The following BAP1 variants were observed in gnomAD, a reference collection of about 807,000 sequenced individuals.
BAP1 encodes the protein ubiquitin carboxyl-terminal hydrolase BAP1.
Under a neutral mutation model 77.2 loss-of-function variants are expected in BAP1, and 16 were observed. The ratio of observed to expected loss-of-function variants is 0.21; its 90% CI spans 0.14 to 0.31. The LOEUF (loss-of-function observed/expected upper bound fraction) is 0.31. BAP1 is among the 10% of genes least tolerant of loss of function. The probability of loss-of-function intolerance (pLI) is 1.00; values close to 1 mark genes in which losing one functional copy is unlikely to be tolerated. For missense variants in BAP1, 699 were observed against 967.3 expected, an observed-to-expected ratio of 0.72 and a Z score of 3.68; for synonymous variants, 362 against 385.2, an observed-to-expected ratio of 0.94 and a Z score of 0.71.
In BAP1 at chr3:52,405,060, C is replaced by T. The variant is rs756419402; in HGVS notation, c.1116+50G>A. On this transcript the variant is annotated intron_variant, in intron 11 of 16. Coordinates refer to ENST00000460680, the MANE Select transcript of BAP1 (RefSeq NM_004656.4). ...CACATGGGAAAATTGCCTGTTGCAG[C>T]CTCTCAAGAGAATCAAGTAGAGAAT... The T allele has an allele frequency of 8.3e-5, 134 of 1,609,188 alleles. No individual in the cohort carries two copies. Among genetic ancestry groups the T allele is most frequent in the Admixed American group, 1.5e-4 (9 of 60,002 alleles).
rs377298140 is a variant in BAP1, at chr3:52,406,811, C to G, written c.659+18G>C. 1.2e-5 allele frequency: 18 copies of G among 1,553,022 alleles called. No homozygotes were observed. Among genetic ancestry groups the G allele is most frequent in the Middle Eastern group, 3.3e-4 (2 of 5,986 alleles). On this transcript the variant is annotated intron_variant, in intron 8 of 16. Transcript: ENST00000460680. This position sits in a 1 kb window ranked among gnomAD's most constrained non-coding sequence, Gnocchi z 4.6. Reference sequence around the variant, plus strand: ...TACAGCTCCAGAGAGTAGAACAGGGCAGGCACAGGGCCCTTACCCTGCAGT... The same window carrying G: ...TACAGCTCCAGAGAGTAGAACAGGGGAGGCACAGGGCCCTTACCCTGCAGT...
rs760711001 is a variant in BAP1 at position 52,403,456 on chromosome 3, G to T, written c.1689C>A (p.His563Gln). Reference sequence around the variant, plus strand: ...GACTCAGCACCCCATCCTCAGCCAGGTGCAGCAGGCCTGTGCTGATGACAG... The same window carrying T: ...GACTCAGCACCCCATCCTCAGCCAGTTGCAGCAGGCCTGTGCTGATGACAG... ...LGPVISTGLLHLAEDGVLSPL... is the reference protein window; with the variant it reads ...LGPVISTGLLQLAEDGVLSPL... Residue 563 changes from histidine to glutamine, a missense_variant, in exon 13 of 17, where the codon CAC (histidine) becomes CAA (glutamine). This residue lies in a region of BAP1 where 475 missense variants were observed against 532.4 expected (regional missense o/e 0.89). Transcript: ENST00000460680. The surrounding 1 kb of genome is among the most constrained non-coding windows in gnomAD (Gnocchi z 4.0). 1.2e-6 allele frequency: 2 copies of T among 1,613,938 alleles called. No homozygotes were observed.
chr3:52,403,816 G>C lies in BAP1; in HGVS notation c.1329C>G (p.Asn443Lys). The change falls in exon 13 of 17, where the codon AAC (asparagine) becomes AAG (lysine). Residue 443 changes from asparagine (N) to lysine (K), a missense_variant. Coordinates refer to ENST00000460680, the MANE Select transcript of BAP1 (RefSeq NM_004656.4). This position sits in a 1 kb window ranked among gnomAD's most constrained non-coding sequence, Gnocchi z 4.0. ...GCTTCTCAGCCAAGACGTTGATGGT[G>C]TTGGGCTGCAGCACTGACAGTTGCC... ...ADGQLSVLQP[N>K]TINVLAEKLK... 1 of 1,614,108 alleles carries C rather than the reference G, an allele frequency of 6.2e-7. No individual in the cohort carries two copies. The highest frequency in any genetic ancestry group is 8.5e-7 in the Non-Finnish European group (1 of 1,180,038).
rs1267740921 is a variant in BAP1 at position 52,402,453 on chromosome 3, C to T, written c.2057-32G>A. 12 of 1,574,014 alleles carry T rather than the reference C, an allele frequency of 7.6e-6. No individual in the cohort carries two copies. Among genetic ancestry groups the T allele is most frequent in the Non-Finnish European group, 1.0e-5 (12 of 1,160,490 alleles). On this transcript the variant is annotated intron_variant, in intron 16 of 16. Transcript: ENST00000460680. This position sits in a 1 kb window ranked among gnomAD's most constrained non-coding sequence, Gnocchi z 5.3. Reference sequence around the variant, plus strand: ...AGAGGTAGAGACCCTTGAGCAGGTGCTGGCTGCCTCAGGCCAGGAGCTGAG... The same window carrying T: ...AGAGGTAGAGACCCTTGAGCAGGTGTTGGCTGCCTCAGGCCAGGAGCTGAG...
At chr3:52,408,272 A>G (rs953097868) in intron 4 of BAP1, among the ~76,000 whole-genome samples, 195 bp from the exon 5 acceptor site, 1 of 152,230 alleles carries the variant, frequency 6.6e-6, no homozygotes, top group African/African-American at 2.4e-5. Context: ...CTGAGGACAC[A>G]GAGAGTGGAC....
rs2153228689 is a variant in BAP1 at position 52,409,862 on chromosome 3, A to G, written c.17T>C (p.Leu6Pro). Residue 6 changes from leucine to proline, a missense_variant, in exon 1 of 17, where the codon CTG (leucine) becomes CCG (proline). This residue lies in a region of BAP1 where 160 missense variants were observed against 322.8 expected (regional missense o/e 0.50). Coordinates refer to ENST00000460680, the MANE Select transcript of BAP1 (RefSeq NM_004656.4). ...CTCACCTGGGTCGCTCTCCAGCTCC[A>G]GCCAGCCCTTATTCATCTTCCCGCG... is the stretch of plus-strand genomic sequence containing the variant. MNKGW[L>P]ELESDPGLFT... 2 of 1,610,636 alleles carry G rather than the reference A, an allele frequency of 1.2e-6. No homozygotes were observed. The highest frequency in any genetic ancestry group is 1.7e-6 in the Non-Finnish European group (2 of 1,179,904).
At chr3:52,404,039 T>G in intron 12 of BAP1, 145 bp from the exon 13 acceptor site, 1 of 810,378 alleles carries the variant, frequency 1.2e-6, no homozygotes, top group Non-Finnish European at 2.0e-6. Flanking sequence ...GAACTAGCCA[T>G]GCTAAGCCTG....
chr3:52,406,380 C>T lies in BAP1; in HGVS notation c.660-4G>A, dbSNP rs1360711033. The stretch of plus-strand genomic sequence containing the variant: ...GCGGATGTCGTGGTAGGGCTCCCTG[C>T]AGTCACAGCCGCAGCCGTGAGAGCA... On this transcript the variant is annotated splice_polypyrimidine_tract_variant and splice_region_variant and intron_variant, in intron 8 of 16. Coordinates refer to ENST00000460680, the MANE Select transcript of BAP1 (RefSeq NM_004656.4). The surrounding 1 kb of genome is among the most constrained non-coding windows in gnomAD (Gnocchi z 4.6). 1 of 1,612,826 alleles carries T rather than the reference C, an allele frequency of 6.2e-7. No individual in the cohort carries two copies. Among genetic ancestry groups the T allele is most frequent in the Non-Finnish European group, 8.5e-7 (1 of 1,179,918 alleles).
intron 3 of BAP1, among the ~76,000 whole-genome samples, chr3:52,409,051 T>C (rs894732503): frequency 6.6e-6 from 1 of 152,194 alleles, no homozygotes; most frequent in Admixed American, 6.5e-5. Flanking sequence ...TTCCAGGAAA[T>C]TAAAGTAGAC....
rs182594226 is a variant in BAP1, at chr3:52,405,759, C to T, written c.931+6G>A. On this transcript the variant is annotated splice_donor_region_variant and intron_variant, in intron 10 of 16. Coordinates refer to ENST00000460680, the MANE Select transcript of BAP1 (RefSeq NM_004656.4). ...GGTCCACAAGAGGTCCCAAACCCCC[C>T]AGTACCTGTGTGGTTGCCCTCAGAG... 1.2e-6 allele frequency: 2 copies of T among 1,612,890 alleles called. No individual in the cohort carries two copies. The highest frequency in any genetic ancestry group is 2.2e-5 in the East Asian group (1 of 44,890).
In BAP1 at chr3:52,408,543, G is replaced by A. The variant is rs199608453; in HGVS notation, c.186C>T (p.Val62=). 29 of 1,612,016 alleles carry A rather than the reference G, an allele frequency of 1.8e-5. No individual in the cohort carries two copies. The Admixed American group carries it at 3.9e-4, about 21-fold the overall frequency. ...WIEERRSRRK[V]STLVDDTSVI... is the part of the protein sequence containing the mutation. ...CGGACGTATCATCCACCAAGGTAGA[G>A]ACCTTTCGCCGGGACCGGCGCTCTT... is the stretch of plus-strand genomic sequence containing the variant. Residue 62 remains valine, a synonymous_variant, in exon 4 of 17, where the codon GTC becomes GTT. Coordinates refer to ENST00000460680, the MANE Select transcript of BAP1 (RefSeq NM_004656.4).
Position 52,402,681 on chromosome 3 carries a change from G to A in BAP1, c.1984-7C>T, listed in dbSNP as rs1559585153. The A allele has an allele frequency of 1.2e-6, 2 of 1,614,142 alleles. No individual in the cohort carries two copies. Among genetic ancestry groups the A allele is most frequent in the Admixed American group, 1.7e-5 (1 of 60,032 alleles). The stretch of plus-strand genomic sequence containing the variant: ...TCCTTCTCTGGTCATCAATCTGTAG[G>A]AGAGAAGAAGACTGAGAGCACTGGA... On this transcript the variant is annotated splice_region_variant and splice_polypyrimidine_tract_variant and intron_variant, in intron 15 of 16. Coordinates refer to ENST00000460680, the MANE Select transcript of BAP1 (RefSeq NM_004656.4). This position sits in a 1 kb window ranked among gnomAD's most constrained non-coding sequence, Gnocchi z 5.3.
In BAP1 at chr3:52,409,692, G is replaced by C. The variant is rs756448694; in HGVS notation, c.67+22C>G. 2.5e-6 allele frequency: 4 copies of C among 1,614,040 alleles called. No individual in the cohort carries two copies. The African/African-American group carries it at 5.3e-5, about 22-fold the overall frequency. On this transcript the variant is annotated intron_variant, in intron 2 of 16. Coordinates refer to ENST00000460680, the MANE Select transcript of BAP1 (RefSeq NM_004656.4). ...GGGTGGGCCGCCACAGCCCCGGTCC[G>C]GCAGGGAGAAAAGGCTCTTACCGAA... is the stretch of plus-strand genomic sequence containing the variant.
chr3:52,405,119 G>A lies in BAP1; in HGVS notation c.1107C>T (p.Ser369=), dbSNP rs558069465. 1 of 1,614,138 alleles carries A rather than the reference G, an allele frequency of 6.2e-7. No individual in the cohort carries two copies. The highest frequency in any genetic ancestry group is 1.7e-5 in the Admixed American group (1 of 60,032). The change falls in exon 11 of 17, where the codon TCC becomes TCT. Residue 369 remains serine (S), a synonymous_variant. Transcript: ENST00000460680. ...GGTGCTCCCAGCTTACCTGCATGGG[G>A]GACTTGGCATAATTGTGATTGTCTA... ...AFLDNHNYAK[S]PMQEEEDLAA...
chr3:52,409,981 A>G lies in BAP1; in HGVS notation c.-103T>C. ...CCCCCGGGGCCCCTCAGTCCCACAC[A>G]CAGACAACGGGCCCAGTCGCGTCAC... is the stretch of plus-strand genomic sequence containing the variant. On this transcript the variant is annotated 5_prime_UTR_variant, in exon 1 of 17. Coordinates refer to ENST00000460680, the MANE Select transcript of BAP1 (RefSeq NM_004656.4). 3 of 1,502,520 alleles carry G rather than the reference A, an allele frequency of 2.0e-6. No homozygotes were observed. Among genetic ancestry groups the G allele is most frequent in the Non-Finnish European group, 2.7e-6 (3 of 1,117,528 alleles). The allele number at this position is 1,502,520 out of a possible 1,614,324, so 93.1% of individuals were successfully genotyped here. A position where few individuals can be genotyped will look rare whatever the true frequency, so the allele number is the denominator to read the frequency against.
rs751166890 is a variant in BAP1 at position 52,402,714 on chromosome 3, T to G, written c.1984-40A>C. 5 of 1,613,902 alleles carry G rather than the reference T, an allele frequency of 3.1e-6. No homozygotes were observed. In the East Asian group the frequency reaches 1.1e-4, roughly 36 times the overall value. ...AAGACTGAGAGCACTGGAGCCAATC[T>G]TGCCAGAGCAGCCACCAGTGGACCT... On this transcript the variant is annotated intron_variant, in intron 15 of 16. Coordinates refer to ENST00000460680, the MANE Select transcript of BAP1 (RefSeq NM_004656.4). The surrounding 1 kb of genome is among the most constrained non-coding windows in gnomAD (Gnocchi z 5.3).
rs933117356 is a variant in BAP1 at position 52,406,101 on chromosome 3, C to G, written c.783+152G>C. On this transcript the variant is annotated intron_variant, in intron 9 of 16. Transcript: ENST00000460680. This position sits in a 1 kb window ranked among gnomAD's most constrained non-coding sequence, Gnocchi z 4.6. ...CCTCCCCACTCCAAGTCCCACCTTT[C>G]CCACAATGGGGGCAAAGAAAAGATG... is the stretch of plus-strand genomic sequence containing the variant. 1.2e-5 allele frequency: 18 copies of G among 1,518,780 alleles called. No homozygotes were observed. The highest frequency in any genetic ancestry group is 1.6e-5 in the Non-Finnish European group (18 of 1,110,490). 94.1% of individuals were successfully genotyped at this position (1,518,780 alleles called of 1,614,324 possible).
Position 52,406,929 on chromosome 3 carries a change from A to G in BAP1, c.581-22T>C, listed in dbSNP as rs1705180955. On this transcript the variant is annotated intron_variant, in intron 7 of 16. Transcript: ENST00000460680. This position sits in a 1 kb window ranked among gnomAD's most constrained non-coding sequence, Gnocchi z 4.6. The stretch of plus-strand genomic sequence containing the variant: ...GGCCCTAGTGGAGACCAAGACAAGG[A>G]ATCAGCGAGAAGGAAACCCTGAGTT... 1 of 1,562,370 alleles carries G rather than the reference A, an allele frequency of 6.4e-7. No homozygotes were observed. Among genetic ancestry groups the G allele is most frequent in the South Asian group, 1.2e-5 (1 of 85,162 alleles).
rs771494475 is a variant in BAP1, at chr3:52,403,195, C to T, written c.1833G>A (p.Glu611=). 1 of 1,614,212 alleles carries T rather than the reference C, an allele frequency of 6.2e-7. No individual in the cohort carries two copies. The highest frequency in any genetic ancestry group is 8.5e-7 in the Non-Finnish European group (1 of 1,180,046). ...CGCCAGGCCTCACCATCCCCGTCTT[C>T]TCTCTGCTGTCCGTGGCTTCCACGA... ...KEVVEATDSR[E]KTGMVRPGEP... Residue 611 remains glutamate (E), a synonymous_variant, in exon 14 of 17, where the codon GAG becomes GAA. Coordinates refer to ENST00000460680, the MANE Select transcript of BAP1 (RefSeq NM_004656.4). This position sits in a 1 kb window ranked among gnomAD's most constrained non-coding sequence, Gnocchi z 4.0.
Sources: allele counts gnomAD v4.1 joint callset (sites outside exome capture counted in the v4.1 genomes callset), GRCh38; gene constraint gnomAD v4.1.1; regional missense constraint gnomAD v4.1.1; non-coding constraint Gnocchi (gnomAD v3.1); transcripts MANE v1.5; gene names NCBI Gene and HGNC (gene_info 2026-07-23, HGNC 2026-07-21).